MCF2L: variants seen among roughly 807,000 people sequenced by gnomAD.
MCF2L encodes MCF.2 cell line derived transforming sequence like.
In MCF2L, 97 loss-of-function variants were observed where a neutral mutation model predicts 153.4. The ratio of observed to expected loss-of-function variants is 0.63; its 90% CI spans 0.54 to 0.75. MCF2L has a LOEUF of 0.75. Ranked by LOEUF, MCF2L falls within the 30% of genes least tolerant of loss-of-function variation. MCF2L has a pLI of 0.00. For synonymous variants in MCF2L, 659 were observed against 632.2 expected, an observed-to-expected ratio of 1.04 and a Z score of -0.64; for missense variants, 1,347 against 1,495.2, an observed-to-expected ratio of 0.90 and a Z score of 1.64.
intron 1 of MCF2L, among the ~76,000 whole-genome samples, chr13:112,901,052 G>C (rs2081114957): frequency 6.6e-6 from 1 of 152,234 alleles, no homozygotes; most frequent in African/African-American, 2.4e-5. Context: ...GATTTCCCCA[G>C]GGAGCTGAGG....
chr13:112,953,588 T>C (rs2140720558), intron 2 of MCF2L, among the ~76,000 whole-genome samples: 1 of 152,188 alleles, frequency 6.6e-6, no homozygotes, highest in Admixed American at 6.5e-5. Context: ...AAAGCAGGGG[T>C]GGGAAAGATC....
intron 2 of MCF2L, among the ~76,000 whole-genome samples, chr13:112,953,581 G>T (rs563437541): frequency 6.6e-6 from 1 of 152,364 alleles, no homozygotes; most frequent in African/African-American, 2.4e-5. Context: ...CAGGCAGAAA[G>T]CAGGGGTGGG....
Position 112,898,967 on chromosome 13 carries a change from C to T in MCF2L, c.-4-3232C>T, listed in dbSNP as rs187376059. On this transcript the variant is annotated intron_variant, in intron 1 of 29. Transcript: ENST00000375608. ...CCCTGTGCCCCCTCCCAGGGAGCAC[C>T]GGGCAGGGCCCCCTCCCCCCATGCC... Among the ~76,000 whole-genome samples the T allele has an allele frequency of 1.2e-4, 18 of 152,322 alleles. No individual in the cohort carries two copies. The South Asian group carries it at 2.3e-3, about 19-fold the overall frequency.
Position 113,009,010 on chromosome 13 carries a change from C to G in MCF2L, c.80-5753C>G, listed in dbSNP as rs372255729. 2.6e-5 allele frequency: 4 copies of G among 151,480 alleles called. No homozygotes were observed. The East Asian group carries it at 7.7e-4, about 29-fold the overall frequency. The allele number at this position is 151,480 out of a possible 1,614,324, so 9.4% of individuals were successfully genotyped here. Reference sequence around the variant, plus strand: ...GCGAGGCAGCGTGGAGAGCGGAGAGCGAAGCTCTGGAGACGACCCCCAGAG... The same window carrying G: ...GCGAGGCAGCGTGGAGAGCGGAGAGGGAAGCTCTGGAGACGACCCCCAGAG... On this transcript the variant is annotated intron_variant, in intron 1 of 29. Transcript: ENST00000535094.
rs28673380 is a variant in MCF2L, at chr13:112,989,425, C to G, written c.79+19967C>G. ...ACGCCCGAGTCCTCCCTGAGCAGGA[C>G]ATGGAGCTACCACGCCCGAGTCCTC... On this transcript the variant is annotated intron_variant, in intron 1 of 29. Coordinates refer to ENST00000535094, the MANE Select transcript of MCF2L (RefSeq NM_001112732.3). 2.0e-3 allele frequency among the ~76,000 whole-genome samples: 125 copies of G among 62,418 alleles called. 7 individuals are homozygous for G. In the East Asian group the frequency reaches 0.02, roughly 10 times the overall value. 40.9% of individuals were successfully genotyped at this position (62,418 alleles called of 152,430 possible).
intron 2 of MCF2L, among the ~76,000 whole-genome samples, chr13:112,961,380 T>C (rs1303099390): frequency 6.6e-6 from 1 of 152,272 alleles, no homozygotes; most frequent in African/African-American, 2.4e-5. Flanking sequence ...GTCTTCTGCC[T>C]TGGGGTTCGG....
intron 2 of MCF2L, among the ~76,000 whole-genome samples, chr13:113,020,537 G>A (rs1027609463): frequency 4.6e-5 from 7 of 152,224 alleles, no homozygotes; most frequent in South Asian, 2.1e-4. Context: ...TGAAGGCACC[G>A]GCAGATGTGC....
intron 1 of MCF2L, among the ~76,000 whole-genome samples, chr13:112,897,208 C>T (rs969525791): frequency 6.6e-6 from 1 of 152,174 alleles, no homozygotes; most frequent in East Asian, 1.9e-4. Flanking sequence ...TCGCTCCTGG[C>T]GTCCTAAAGT....
At position 112,969,291 on chromosome 13, in the gene MCF2L, G is replaced by T; in HGVS notation, c.-89G>T. The T allele has an allele frequency of 1.3e-6, 2 of 1,514,442 alleles. No individual in the cohort carries two copies. The highest frequency in any genetic ancestry group is 1.8e-6 in the Non-Finnish European group (2 of 1,124,538). The allele number at this position is 1,514,442 out of a possible 1,614,324, so 93.8% of individuals were successfully genotyped here. ...GTGGCCCCCTCCCCGCCTCCGCCGCGCCCCCTCCGCACTCGCACGGCCCCA... is the reference window on the plus strand; with the variant it reads ...GTGGCCCCCTCCCCGCCTCCGCCGCTCCCCCTCCGCACTCGCACGGCCCCA... On this transcript the variant is annotated 5_prime_UTR_variant, in exon 1 of 30. Transcript: ENST00000535094. This position sits in a 1 kb window ranked among gnomAD's most constrained non-coding sequence, Gnocchi z 4.8.
In MCF2L at chr13:113,096,391, C is replaced by T. The variant is rs780129439; in HGVS notation, c.3096C>T (p.Val1032=). Residue 1032 remains valine, a synonymous_variant, in exon 28 of 30, where the codon GTC becomes GTT. Transcript: ENST00000535094. ...ACCAGGTTCCAGGTAAATACACGGT[C>T]GTGGCGGACCACGAGAAGGGAGGCC... is the stretch of plus-strand genomic sequence containing the variant. ...PKKLVPGKYT[V]VADHEKGGPD... is the part of the protein sequence containing the mutation. 1.5e-5 allele frequency: 24 copies of T among 1,585,708 alleles called. No homozygotes were observed. The highest frequency in any genetic ancestry group is 4.6e-5 in the East Asian group (2 of 43,300).
intron 3 of MCF2L, chr13:113,040,802 C>T (rs1156246822): frequency 6.6e-6 from 1 of 152,256 alleles, no homozygotes; most frequent in East Asian, 1.9e-4. Flanking sequence ...GCTTGCAGAC[C>T]ATCCCTCACG....
intron 2 of MCF2L, among the ~76,000 whole-genome samples, chr13:112,940,771 G>A (rs1473277708): frequency 6.6e-6 from 1 of 151,990 alleles, no homozygotes; most frequent in African/African-American, 2.4e-5. Context: ...GCACATATTT[G>A]TATATGTATG....
chr13:113,021,261 CATGTAT>C (rs1261902329), intron 2 of MCF2L, among the ~76,000 whole-genome samples: 1 of 116,084 alleles, frequency 8.6e-6, no homozygotes, highest in African/African-American at 3.2e-5. Context: ...TGTATATGTA[CATGTAT>C]GTGTGTATAG....
intron 2 of MCF2L, among the ~76,000 whole-genome samples, chr13:112,935,396 T>G (rs2081504860): frequency 6.6e-6 from 1 of 152,156 alleles, no homozygotes; most frequent in Admixed American, 6.5e-5. Flanking sequence ...TAGCTGGGAT[T>G]ACAGGCACGT....
At chr13:112,911,166 C>T (rs2081227899) in intron 2 of MCF2L, among the ~76,000 whole-genome samples, 1 of 152,234 alleles carries the variant, frequency 6.6e-6, no homozygotes, top group African/African-American at 2.4e-5. Context: ...CCAAGGCCCC[C>T]TCAGGAGCCT....
At chr13:113,060,528 C>A in intron 4 of MCF2L, 65 bp from the exon 5 acceptor site, 4 of 1,585,906 alleles carry the variant, frequency 2.5e-6, no homozygotes, top group Non-Finnish European at 3.4e-6. Flanking sequence ...GTGCAGGCAC[C>A]GCACTAGGGG....
intron 2 of MCF2L, among the ~76,000 whole-genome samples, chr13:112,911,526 C>A (rs1294428927): frequency 6.6e-6 from 1 of 152,254 alleles, no homozygotes; most frequent in Non-Finnish European, 1.5e-5. Context: ...ATGGCCCGCC[C>A]ACCATGCTCC....
At chr13:112,955,333 A>G (rs2081744326) in intron 2 of MCF2L, among the ~76,000 whole-genome samples, 1 of 152,196 alleles carries the variant, frequency 6.6e-6, no homozygotes, top group South Asian at 2.1e-4. Flanking sequence ...CCCCTCAGGA[A>G]GCTACCAGCA....
chr13:112,977,194 T>A (rs943490766), intron 1 of MCF2L, among the ~76,000 whole-genome samples: 16 of 152,224 alleles, frequency 1.1e-4, no homozygotes, highest in African/African-American at 3.4e-4. Flanking sequence ...TACCACTTAC[T>A]GATATGGATT....
Sources: allele counts gnomAD v4.1 joint callset (sites outside exome capture counted in the v4.1 genomes callset), GRCh38; gene constraint gnomAD v4.1.1; non-coding constraint Gnocchi (gnomAD v3.1); transcripts MANE v1.5; gene names NCBI Gene and HGNC (gene_info 2026-07-23, HGNC 2026-07-21).